BCAS3: variants seen among roughly 807,000 people sequenced by gnomAD.
BCAS3 encodes the protein BCAS3 microtubule associated cell migration factor, also known as BCAS4/BCAS3 fusion.
Under a neutral mutation model 116.1 loss-of-function variants are expected in BCAS3, and 53 were observed. That is an observed-to-expected ratio of 0.46 (90% CI 0.37 to 0.57). BCAS3 has a LOEUF of 0.57. BCAS3 is among the 20% of genes least tolerant of loss of function. BCAS3 has a pLI of 0.00. For synonymous variants in BCAS3, 391 were observed against 408.2 expected, an observed-to-expected ratio of 0.96 and a Z score of 0.51; for missense variants, 917 against 1,165.4, an observed-to-expected ratio of 0.79 and a Z score of 3.10.
intron 19 of BCAS3, among the ~76,000 whole-genome samples, chr17:61,048,256 G>A (rs2068525901): frequency 6.6e-6 from 1 of 152,012 alleles, no homozygotes; most frequent in South Asian, 2.1e-4. Flanking sequence ...ACAGGGGTCA[G>A]TTTTACTTTC....
At position 61,034,461 on chromosome 17, in the gene BCAS3, C is replaced by T. The variant is rs2066870934; in HGVS notation, c.1638-205C>T. ...TTTTATTGGTCTTATAAATGTTGCT[C>T]TCTTTACAAAACTCTGGAACTTTGA... On this transcript the variant is annotated intron_variant, in intron 16 of 23. Transcript: ENST00000407086. The surrounding 1 kb of genome is among the most constrained non-coding windows in gnomAD (Gnocchi z 5.0). 1.3e-5 allele frequency among the ~76,000 whole-genome samples: 2 copies of T among 152,130 alleles called. No homozygotes were observed. Among genetic ancestry groups the T allele is most frequent in the African/African-American group, 4.8e-5 (2 of 41,438 alleles).
At chr17:61,043,790 T>C (rs1346054559) in intron 19 of BCAS3, among the ~76,000 whole-genome samples, 1 of 152,030 alleles carries the variant, frequency 6.6e-6, no homozygotes, top group Non-Finnish European at 1.5e-5. Context: ...ATACAAATTA[T>C]TGTAAAATAA....
chr17:61,235,437 G>A lies in BCAS3; in HGVS notation c.2426-132890G>A, dbSNP rs558709499. ...TGAGCCACTCGAGTTGCTTATGCAT[G>A]AATGTGCTTGTTTAGCAGGTAGAGT... On this transcript the variant is annotated intron_variant, in intron 22 of 23. Coordinates refer to ENST00000407086, the MANE Select transcript of BCAS3 (RefSeq NM_017679.5). The surrounding 1 kb of genome is among the most constrained non-coding windows in gnomAD (Gnocchi z 5.0). Among the ~76,000 whole-genome samples, 1 of 152,330 alleles carries A rather than the reference G, an allele frequency of 6.6e-6. No individual in the cohort carries two copies. The highest frequency in any genetic ancestry group is 1.5e-5 in the Non-Finnish European group (1 of 68,026).
chr17:60,703,313 G>T (rs2036661647), intron 4 of BCAS3, among the ~76,000 whole-genome samples: 1 of 151,974 alleles, frequency 6.6e-6, no homozygotes, highest in Admixed American at 6.6e-5. Flanking sequence ...TTTAGGCCAG[G>T]CGCGGTGGCT....
At chr17:61,372,582 C>T (rs903311003) in intron 23 of BCAS3, among the ~76,000 whole-genome samples, 1 of 152,200 alleles carries the variant, frequency 6.6e-6, no homozygotes, top group African/African-American at 2.4e-5. Context: ...ATCCCGGTGT[C>T]CAAAGCCCTT....
intron 10 of BCAS3, among the ~76,000 whole-genome samples, chr17:60,902,152 A>G (rs890827350): frequency 6.6e-6 from 1 of 152,234 alleles, no homozygotes; most frequent in African/African-American, 2.4e-5. Context: ...TTCCACTGAC[A>G]CAATTGAAAA....
intron 6 of BCAS3, among the ~76,000 whole-genome samples, chr17:60,783,172 A>G (rs1276977688): frequency 6.6e-6 from 1 of 152,168 alleles, no homozygotes; most frequent in African/African-American, 2.4e-5. Context: ...ATGTAGGTTC[A>G]TCAGTTTTTC....
Position 61,056,758 on chromosome 17 carries a change from G to A in BCAS3, c.2029+15866G>A, listed in dbSNP as rs1279742242. Among the ~76,000 whole-genome samples the A allele has an allele frequency of 6.6e-6, 1 of 152,174 alleles. No homozygotes were observed. The highest frequency in any genetic ancestry group is 1.9e-4 in the East Asian group (1 of 5,196). On this transcript the variant is annotated intron_variant, in intron 19 of 23. Coordinates refer to ENST00000407086, the MANE Select transcript of BCAS3 (RefSeq NM_017679.5). This position sits in a 1 kb window ranked among gnomAD's most constrained non-coding sequence, Gnocchi z 4.9. ...TAACAAAATGGTTTTCCTATTAAGTGATGTACTACTGCATGCTCTCAGATA... is the reference window on the plus strand; with the variant it reads ...TAACAAAATGGTTTTCCTATTAAGTAATGTACTACTGCATGCTCTCAGATA...
intron 22 of BCAS3, among the ~76,000 whole-genome samples, chr17:61,360,111 A>G (rs959188929): frequency 1.3e-5 from 2 of 151,620 alleles, no homozygotes; most frequent in Non-Finnish European, 2.9e-5. Context: ...GGTTCAAGAA[A>G]TCTCCTGTCA....
At position 61,271,424 on chromosome 17, in the gene BCAS3, A is replaced by ATTTTTTTTTTTTTTTTTTTT. The variant is rs71148400; in HGVS notation, c.2426-96890_2426-96889insTTTTTTTTTTTTTTTTTTTT. 3.7e-4 allele frequency among the ~76,000 whole-genome samples: 26 copies of ATTTTTTTTTTTTTTTTTTTT among 70,236 alleles called. 8 individuals are homozygous for ATTTTTTTTTTTTTTTTTTTT. Among genetic ancestry groups the ATTTTTTTTTTTTTTTTTTTT allele is most frequent in the Non-Finnish European group, 4.9e-4 (20 of 40,940 alleles). 46.1% of individuals were successfully genotyped at this position (70,236 alleles called of 152,430 possible). A position where few individuals can be genotyped will look rare whatever the true frequency, so the allele number is the denominator to read the frequency against. ...TACAGGTGTAAGCCACCATGCCCGG[A>ATTTTTTTTTTTTTTTTTTTT]TTTTTTTTTTTTTGTCTTAGGTGGA... On this transcript the variant is annotated intron_variant, in intron 22 of 23. Coordinates refer to ENST00000407086, the MANE Select transcript of BCAS3 (RefSeq NM_017679.5).
chr17:61,059,388 C>G (rs1053275612), intron 19 of BCAS3, among the ~76,000 whole-genome samples: 1 of 151,846 alleles, frequency 6.6e-6, no homozygotes. Context: ...GGCCTCTCCC[C>G]GTCTTTAAAA....
At position 61,217,335 on chromosome 17, in the gene BCAS3, C is replaced by T. The variant is rs1405669896; in HGVS notation, c.2425+132771C>T. Reference sequence around the variant, plus strand: ...AAGTTAGCACTAGTTTTAAAGTATCCTCCATTTTTTGTGATAGTGAAAATC... The same window carrying T: ...AAGTTAGCACTAGTTTTAAAGTATCTTCCATTTTTTGTGATAGTGAAAATC... On this transcript the variant is annotated intron_variant, in intron 22 of 23. Transcript: ENST00000407086. The surrounding 1 kb of genome is among the most constrained non-coding windows in gnomAD (Gnocchi z 5.2). Among the ~76,000 whole-genome samples the T allele has an allele frequency of 3.3e-5, 5 of 152,052 alleles. No homozygotes were observed. The highest frequency in any genetic ancestry group is 7.4e-5 in the Non-Finnish European group (5 of 68,004).
intron 10 of BCAS3, among the ~76,000 whole-genome samples, chr17:60,900,810 AC>A (rs1169888162): frequency 6.6e-6 from 1 of 152,024 alleles, no homozygotes; most frequent in Non-Finnish European, 1.5e-5. Flanking sequence ...ATTTTGTTGA[AC>A]CAAGATACAA....
chr17:61,330,563 G>T (rs77655230), intron 22 of BCAS3, among the ~76,000 whole-genome samples: 6,750 of 152,276 alleles, frequency 0.044, 384 homozygotes, highest in African/African-American at 0.12. Context: ...TGCGGCCAGT[G>T]GACTAAGTCC....
intron 22 of BCAS3, among the ~76,000 whole-genome samples, chr17:61,329,779 C>G (rs531477527): frequency 1.7e-5 from 2 of 119,344 alleles, no homozygotes; most frequent in East Asian, 5.6e-4. Context: ...ATCCTACGTT[C>G]GTCCTCGGCG....
At chr17:61,252,234 G>A (rs73328814) in intron 22 of BCAS3, among the ~76,000 whole-genome samples, 6,408 of 152,028 alleles carry the variant, frequency 0.042, 173 homozygotes, top group African/African-American at 0.05. Context: ...ACCAGAAGGA[G>A]TCCAGTTCTC....
intron 9 of BCAS3, among the ~76,000 whole-genome samples, chr17:60,877,178 A>G (rs1012582960): frequency 3.3e-5 from 5 of 150,946 alleles, no homozygotes; most frequent in African/African-American, 1.2e-4. Flanking sequence ...GAAATGATAT[A>G]TATATATATA....
At chr17:61,246,174 G>C (rs937130704) in intron 22 of BCAS3, among the ~76,000 whole-genome samples, 3 of 152,026 alleles carry the variant, frequency 2.0e-5, no homozygotes, top group Admixed American at 1.3e-4. Flanking sequence ...GTCAAGTCAG[G>C]AATAGCTTTT....
chr17:61,025,645 G>A (rs1172653168), intron 16 of BCAS3, among the ~76,000 whole-genome samples: 4 of 152,014 alleles, frequency 2.6e-5, no homozygotes, highest in African/African-American at 7.2e-5. Flanking sequence ...ACATCGTACC[G>A]CTGGGTATGT....
Sources: allele counts gnomAD v4.1 joint callset (sites outside exome capture counted in the v4.1 genomes callset), GRCh38; gene constraint gnomAD v4.1.1; non-coding constraint Gnocchi (gnomAD v3.1); transcripts MANE v1.5; gene names NCBI Gene and HGNC (gene_info 2026-07-23, HGNC 2026-07-21).